The following RIPK2 variants were observed in gnomAD, a reference collection of about 807,000 sequenced individuals.
RIPK2 encodes the protein receptor-interacting serine/threonine-protein kinase 2.
In RIPK2, 38 loss-of-function variants were observed where a neutral mutation model predicts 60.9. That is an observed-to-expected ratio of 0.62 (90% CI 0.48 to 0.82). The LOEUF is 0.82. Among genes scored for constraint, RIPK2 ranks in the 40% least tolerant of loss-of-function variants. RIPK2 has a pLI of 0.00. For synonymous variants in RIPK2, 225 were observed against 223.4 expected, an observed-to-expected ratio of 1.01 and a Z score of -0.06; for missense variants, 518 against 647.0, an observed-to-expected ratio of 0.80 and a Z score of 2.16.
chr8:89,759,927 A>G (rs1358860538), intron 1 of RIPK2, among the ~76,000 whole-genome samples: 1 of 152,226 alleles, frequency 6.6e-6, no homozygotes, highest in African/African-American at 2.4e-5. Context: ...TTTCCTTCCC[A>G]TACTCATGAA....
At chr8:89,789,205 T>C in intron 9 of RIPK2, 116 bp from the exon 10 acceptor site, 1 of 824,904 alleles carries the variant, frequency 1.2e-6, no homozygotes, top group Admixed American at 2.5e-5. Context: ...AGCCTTAATA[T>C]TAGTGGAAAC....
chr8:89,776,595 T>A (rs1246276482), intron 6 of RIPK2, among the ~76,000 whole-genome samples: 2 of 152,152 alleles, frequency 1.3e-5, no homozygotes, highest in Admixed American at 1.3e-4. Context: ...GAAAATAATG[T>A]CTTAGTACTT....
In RIPK2 at chr8:89,763,632, G is replaced by A. The variant is rs1352002070; in HGVS notation, c.327+650G>A. Among the ~76,000 whole-genome samples, 10 of 151,960 alleles carry A rather than the reference G, an allele frequency of 6.6e-5. No homozygotes were observed. The East Asian group carries it at 1.5e-3, about 23-fold the overall frequency. On this transcript the variant is annotated intron_variant, in intron 2 of 10. Coordinates refer to ENST00000220751, the MANE Select transcript of RIPK2 (RefSeq NM_003821.6). ...CTACTTGGTCCATTTTTTGAGGGTT[G>A]GCTTAATTAAAACTGTATTAATCTA...
At chr8:89,759,901 A>G (rs866695536) in intron 1 of RIPK2, among the ~76,000 whole-genome samples, 100 of 152,254 alleles carry the variant, frequency 6.6e-4, no homozygotes, top group African/African-American at 2.3e-3. Flanking sequence ...TTGGGGACCA[A>G]GAAGTGAAGA....
intron 1 of RIPK2, among the ~76,000 whole-genome samples, chr8:89,762,618 A>C (rs1467616997): frequency 1.3e-5 from 2 of 152,150 alleles, no homozygotes; most frequent in Admixed American, 6.5e-5. Context: ...TGGCTTATAG[A>C]AGTTAGTTTG....
At chr8:89,772,634 T>C in intron 5 of RIPK2, 33 bp from the exon 6 acceptor site, 7 of 1,486,910 alleles carry the variant, frequency 4.7e-6, no homozygotes, top group Non-Finnish European at 6.5e-6. Flanking sequence ...TCATAATATA[T>C]TACTAATGAA....
At chr8:89,781,491 C>G (rs1423589473) in intron 7 of RIPK2, among the ~76,000 whole-genome samples, 1 of 151,912 alleles carries the variant, frequency 6.6e-6, no homozygotes, top group Non-Finnish European at 1.5e-5. Context: ...CTCAGCATCT[C>G]CAATTGCTTG....
intron 6 of RIPK2, among the ~76,000 whole-genome samples, chr8:89,777,848 A>G (rs1295418260): frequency 3.3e-5 from 5 of 152,154 alleles, no homozygotes; most frequent in Admixed American, 3.3e-4. Flanking sequence ...GTATATTGGA[A>G]TGTTGAAAAG....
chr8:89,769,007 C>A (rs535794151), intron 3 of RIPK2, among the ~76,000 whole-genome samples: 21 of 151,746 alleles, frequency 1.4e-4, no homozygotes, highest in African/African-American at 5.1e-4. Context: ...TCTGTTCTTA[C>A]ATTTTGTCTT....
intron 9 of RIPK2, among the ~76,000 whole-genome samples, chr8:89,787,929 C>G (rs1330009063): frequency 6.6e-6 from 1 of 152,032 alleles, no homozygotes; most frequent in African/African-American, 2.4e-5. Context: ...TTATAGACAA[C>G]TAGATGATAG....
At chr8:89,764,850 G>T (rs1343915145) in intron 2 of RIPK2, among the ~76,000 whole-genome samples, 6 of 152,120 alleles carry the variant, frequency 3.9e-5, no homozygotes, top group Middle Eastern at 3.4e-3. Flanking sequence ...AACTGATGCA[G>T]TGATTATAAT....
chr8:89,764,258 G>A (rs1809190826), intron 2 of RIPK2, among the ~76,000 whole-genome samples: 1 of 152,132 alleles, frequency 6.6e-6, no homozygotes, highest in African/African-American at 2.4e-5. Flanking sequence ...TCAGCTTTTT[G>A]TGTTTCTTTT....
intron 8 of RIPK2, 48 bp from the exon 9 acceptor site, chr8:89,786,545 C>T: frequency 4.9e-6 from 5 of 1,018,060 alleles, no homozygotes; most frequent in African/African-American, 1.7e-5. Context: ...GAAATTAAAG[C>T]TCGATAATTT....
At chr8:89,774,056 A>G (rs556626083) in intron 6 of RIPK2, among the ~76,000 whole-genome samples, 14 of 152,124 alleles carry the variant, frequency 9.2e-5, no homozygotes, top group African/African-American at 2.4e-4. Context: ...ATGAATAGCT[A>G]CTGCACTCCA....
intron 1 of RIPK2, chr8:89,759,389 C>T (rs1336943983): frequency 2.2e-6 from 1 of 456,264 alleles, no homozygotes; most frequent in Non-Finnish European, 4.4e-6. Flanking sequence ...TTCTCTTCTC[C>T]TCCTCCTATA....
At chr8:89,789,543 A>C in intron 10 of RIPK2, 61 bp downstream of exon 10, 1 of 1,478,894 alleles carries the variant, frequency 6.8e-7, no homozygotes, top group African/African-American at 1.4e-5. Context: ...ATCTGTGTTC[A>C]GTGGATTTAC....
rs1166016245 is a variant in RIPK2, at chr8:89,757,984, G to A, written c.-77G>A. 1.4e-6 allele frequency: 2 copies of A among 1,454,470 alleles called. No homozygotes were observed. Among genetic ancestry groups the A allele is most frequent in the Non-Finnish European group, 1.8e-6 (2 of 1,101,594 alleles). The allele number at this position is 1,454,470 out of a possible 1,614,324, so 90.1% of individuals were successfully genotyped here. Reference sequence around the variant, plus strand: ...CGCTCGTGCAGGGGCGTATCTGGGCGCCTGAGCGCGGCGTGGGAGCCTTGG... The same window carrying A: ...CGCTCGTGCAGGGGCGTATCTGGGCACCTGAGCGCGGCGTGGGAGCCTTGG... On this transcript the variant is annotated 5_prime_UTR_variant, in exon 1 of 11. Transcript: ENST00000220751.
At chr8:89,760,559 A>G (rs540367196) in intron 1 of RIPK2, among the ~76,000 whole-genome samples, 43 of 152,192 alleles carry the variant, frequency 2.8e-4, no homozygotes, top group Non-Finnish European at 5.1e-4. Context: ...GAACTTTCCT[A>G]CTATATTCTT....
At chr8:89,763,033 A>T (rs377260733) in intron 2 of RIPK2, 51 bp downstream of exon 2, 13 of 1,143,936 alleles carry the variant, frequency 1.1e-5, no homozygotes, top group Non-Finnish European at 1.5e-5. Flanking sequence ...TACTATTCAA[A>T]CTATATTTTA....
Sources: gnomAD v4.1 joint callset for allele counts (sites outside exome capture counted in the v4.1 genomes callset) on GRCh38, gnomAD v4.1.1 for gene constraint, MANE v1.5 for transcripts, NCBI Gene and HGNC (gene_info 2026-07-23, HGNC 2026-07-21) for gene names.